Variants in ADAM15 observed in about 807,000 individuals in gnomAD.
ADAM15 encodes the protein ADAM metallopeptidase domain 15.
Under a neutral mutation model 113.8 loss-of-function variants are expected in ADAM15, and 77 were observed. The observed-to-expected ratio is 0.68, with a 90% confidence interval of 0.56 to 0.82. The LOEUF (loss-of-function observed/expected upper bound fraction) is 0.82, where lower values mean the gene tolerates loss of function less well. Ranked by LOEUF, ADAM15 falls within the 40% of genes least tolerant of loss-of-function variation. The probability of loss-of-function intolerance (pLI) is 0.00; values close to 1 mark genes in which losing one functional copy is unlikely to be tolerated. For synonymous variants in ADAM15, 388 were observed against 454.1 expected (o/e 0.85, Z 1.85); for missense variants, 963 against 1,120.1 (o/e 0.86, Z 2.00).
chr1:155,057,822 C>G lies in ADAM15; in HGVS notation c.1417-29C>G. On this transcript the variant is annotated intron_variant, in intron 13 of 22. Coordinates refer to ENST00000356955, the MANE Select transcript of ADAM15 (RefSeq NM_207197.3). This position sits in a 1 kb window ranked among gnomAD's most constrained non-coding sequence, Gnocchi z 5.0. Reference sequence around the variant, plus strand: ...ACCCCCGGCTGGATTTGCTCAGTGCCCACACTGATGCTCATCCACCCTCCA... The same window carrying G: ...ACCCCCGGCTGGATTTGCTCAGTGCGCACACTGATGCTCATCCACCCTCCA... 6.2e-7 allele frequency: 1 copy of G among 1,612,958 alleles called. No homozygotes were observed. The highest frequency in any genetic ancestry group is 8.5e-7 in the Non-Finnish European group (1 of 1,179,152).
Position 155,058,660 on chromosome 1 carries a change from C to A in ADAM15, c.1918-50C>A. ...CTCAACCTTATTGGCCTCCCAGTCC[C>A]ATTAAAGCTTTGTGGGAATCTGATC... On this transcript the variant is annotated intron_variant, in intron 15 of 22. Coordinates refer to ENST00000356955, the MANE Select transcript of ADAM15 (RefSeq NM_207197.3). The surrounding 1 kb of genome is among the most constrained non-coding windows in gnomAD (Gnocchi z 4.3). 6.3e-7 allele frequency: 1 copy of A among 1,589,694 alleles called. No individual in the cohort carries two copies. Among genetic ancestry groups the A allele is most frequent in the East Asian group, 2.3e-5 (1 of 43,290 alleles).
At position 155,057,616 on chromosome 1, in the gene ADAM15, C is replaced by T; in HGVS notation, c.1324-21C>T. 6.2e-7 allele frequency: 1 copy of T among 1,612,866 alleles called. No homozygotes were observed. The highest frequency in any genetic ancestry group is 1.3e-5 in the African/African-American group (1 of 75,008). ...AGGCCCCACCTGCTCTGATGCCCGGCCCCCGTGCTCCTGCCCACAGGACTG... is the reference window on the plus strand; with the variant it reads ...AGGCCCCACCTGCTCTGATGCCCGGTCCCCGTGCTCCTGCCCACAGGACTG... On this transcript the variant is annotated intron_variant, in intron 12 of 22. Transcript: ENST00000356955. The surrounding 1 kb of genome is among the most constrained non-coding windows in gnomAD (Gnocchi z 5.0).
intron 19 of ADAM15, 94 bp downstream of exon 19, chr1:155,060,926 G>C (rs1662489705): frequency 8.0e-7 from 1 of 1,248,952 alleles, no homozygotes; most frequent in Non-Finnish European, 1.1e-6. Flanking sequence ...CAGACTCAGA[G>C]AAAGGCTAGC....
Position 155,058,610 on chromosome 1 carries a change from C to A in ADAM15, c.1918-100C>A. ...TATCAACTCACTATGCCTTGGTTTC[C>A]CCATCTGTAAACGCAGGGTATGGCC... On this transcript the variant is annotated intron_variant, in intron 15 of 22. Transcript: ENST00000356955. The surrounding 1 kb of genome is among the most constrained non-coding windows in gnomAD (Gnocchi z 4.3). 1 of 1,556,672 alleles carries A rather than the reference C, an allele frequency of 6.4e-7. No homozygotes were observed. The highest frequency in any genetic ancestry group is 8.7e-7 in the Non-Finnish European group (1 of 1,150,952).
Position 155,058,851 on chromosome 1 carries a change from G to A in ADAM15, c.1995+64G>A. 6.6e-7 allele frequency: 1 copy of A among 1,519,602 alleles called. No individual in the cohort carries two copies. The highest frequency in any genetic ancestry group is 8.8e-7 in the Non-Finnish European group (1 of 1,133,354). 94.1% of individuals were successfully genotyped at this position (1,519,602 alleles called of 1,614,324 possible). A position where few individuals can be genotyped will look rare whatever the true frequency, so the allele number is the denominator to read the frequency against. Reference sequence around the variant, plus strand: ...CCTCTAGAGAGGAAAAGGATACTGGGCTTTGGAAATAGACATATCTGGGTT... The same window carrying A: ...CCTCTAGAGAGGAAAAGGATACTGGACTTTGGAAATAGACATATCTGGGTT... On this transcript the variant is annotated intron_variant, in intron 16 of 22. Transcript: ENST00000356955. This position sits in a 1 kb window ranked among gnomAD's most constrained non-coding sequence, Gnocchi z 4.3.
intron 20 of ADAM15, 168 bp downstream of exon 20, chr1:155,061,657 T>C: frequency 1.2e-6 from 1 of 849,902 alleles, no homozygotes. Flanking sequence ...GTGAGCCTCC[T>C]GCCTTGGTTT....
Position 155,057,136 on chromosome 1 carries a change from C to T in ADAM15, c.1148+35C>T. 6.3e-7 allele frequency: 1 copy of T among 1,582,204 alleles called. No individual in the cohort carries two copies. Among genetic ancestry groups the T allele is most frequent in the Non-Finnish European group, 8.6e-7 (1 of 1,161,800 alleles). On this transcript the variant is annotated intron_variant, in intron 11 of 22. Coordinates refer to ENST00000356955, the MANE Select transcript of ADAM15 (RefSeq NM_207197.3). This position sits in a 1 kb window ranked among gnomAD's most constrained non-coding sequence, Gnocchi z 5.0. ...TGCAGGATGGAGAGAGGGTGTGGGGCAGGGGGCAGGGAGAGGCCCCCAGCC... is the reference window on the plus strand; with the variant it reads ...TGCAGGATGGAGAGAGGGTGTGGGGTAGGGGGCAGGGAGAGGCCCCCAGCC...
chr1:155,058,422 C>T lies in ADAM15; in HGVS notation c.1898C>T (p.Thr633Ile). The change falls in exon 15 of 23, where the codon ACA (threonine) becomes ATA (isoleucine). Residue 633 changes from threonine to isoleucine, a missense_variant. Thr to Ile is a moderately conservative substitution (Grantham distance 89). Transcript: ENST00000356955. The surrounding 1 kb of genome is among the most constrained non-coding windows in gnomAD (Gnocchi z 4.3). ...CAGCCCCTCCTGACTCTGCCTGGCA[C>T]AGCCTGTGGCCCTGGCCTGGTGAGC... is the stretch of plus-strand genomic sequence containing the variant. ...VAQPLLTLPG[T>I]ACGPGLVCID... is the part of the protein sequence containing the mutation. 6.2e-7 allele frequency: 1 copy of T among 1,612,472 alleles called. No homozygotes were observed. The highest frequency in any genetic ancestry group is 8.5e-7 in the Non-Finnish European group (1 of 1,180,020).
At position 155,056,838 on chromosome 1, in the gene ADAM15, C is replaced by A; in HGVS notation, c.1000-115C>A. The A allele has an allele frequency of 7.1e-7, 1 of 1,411,246 alleles. No homozygotes were observed. The highest frequency in any genetic ancestry group is 9.6e-7 in the Non-Finnish European group (1 of 1,044,982). 87.4% of individuals were successfully genotyped at this position (1,411,246 alleles called of 1,614,324 possible). On this transcript the variant is annotated intron_variant, in intron 10 of 22. Coordinates refer to ENST00000356955, the MANE Select transcript of ADAM15 (RefSeq NM_207197.3). This position sits in a 1 kb window ranked among gnomAD's most constrained non-coding sequence, Gnocchi z 4.0. ...GAAGCAATTCAGGAGGGAAGCAGTG[C>A]CTGCTGAGTGCCCACGAGGTCAGAC... is the stretch of plus-strand genomic sequence containing the variant.
At position 155,062,246 on chromosome 1, in the gene ADAM15, C is replaced by G; in HGVS notation, c.2426C>G (p.Ser809Cys). ...PADPVVRSPK[S>C]QGPAKPPPPR... ...GGCCTCCTGCCTTCTCTCCCTCAGT[C>G]TCAGGGGCCAGCCAAGCCCCCACCC... The change falls in exon 22 of 23, where the codon TCT becomes TGT. Residue 809 changes from serine to cysteine, a missense_variant and splice_region_variant. Transcript: ENST00000356955. This position sits in a 1 kb window ranked among gnomAD's most constrained non-coding sequence, Gnocchi z 7.0. 2 of 1,453,716 alleles carry G rather than the reference C, an allele frequency of 1.4e-6. No homozygotes were observed. Among genetic ancestry groups the G allele is most frequent in the Non-Finnish European group, 1.8e-6 (2 of 1,100,888 alleles). The allele number at this position is 1,453,716 out of a possible 1,614,324, so 90.1% of individuals were successfully genotyped here. A position where few individuals can be genotyped will look rare whatever the true frequency, so the allele number is the denominator to read the frequency against.
chr1:155,051,352 C>G lies in ADAM15; in HGVS notation c.-35C>G. On this transcript the variant is annotated 5_prime_UTR_variant, in exon 1 of 23. Transcript: ENST00000356955. ...CCGCTCCTCCGCGCGCTGTTCCGCA[C>G]TTGCTGCCCTCGCCCGGCCCGGAGC... 1 of 1,473,286 alleles carries G rather than the reference C, an allele frequency of 6.8e-7. No individual in the cohort carries two copies. Among genetic ancestry groups the G allele is most frequent in the Non-Finnish European group, 9.0e-7 (1 of 1,113,894 alleles). The allele number at this position is 1,473,286 out of a possible 1,614,324, so 91.3% of individuals were successfully genotyped here.
rs773931424 is a variant in ADAM15, at chr1:155,056,024, C to G, written c.744+24C>G. Reference sequence around the variant, plus strand: ...CAGTGAGTGCTGGACAGGGCAACCCCCACCCCAGGCCCCTGACCATGGCAA... The same window carrying G: ...CAGTGAGTGCTGGACAGGGCAACCCGCACCCCAGGCCCCTGACCATGGCAA... On this transcript the variant is annotated intron_variant, in intron 8 of 22. Transcript: ENST00000356955. The surrounding 1 kb of genome is among the most constrained non-coding windows in gnomAD (Gnocchi z 4.0). 13 of 1,613,016 alleles carry G rather than the reference C, an allele frequency of 8.1e-6. No individual in the cohort carries two copies. The highest frequency in any genetic ancestry group is 1.7e-5 in the Admixed American group (1 of 60,018).
chr1:155,062,626 C>A lies in ADAM15; in HGVS notation c.*124C>A. 1 of 1,325,996 alleles carries A rather than the reference C, an allele frequency of 7.5e-7. No homozygotes were observed. The highest frequency in any genetic ancestry group is 1.0e-6 in the Non-Finnish European group (1 of 963,902). 82.1% of individuals were successfully genotyped at this position (1,325,996 alleles called of 1,614,324 possible). ...TGGCGGTGTCTTAAGACTCCGGGCA[C>A]CGCCACGCGCTGTCAAGCAACACTC... is the stretch of plus-strand genomic sequence containing the variant. On this transcript the variant is annotated 3_prime_UTR_variant, in exon 23 of 23. Coordinates refer to ENST00000356955, the MANE Select transcript of ADAM15 (RefSeq NM_207197.3). The surrounding 1 kb of genome is among the most constrained non-coding windows in gnomAD (Gnocchi z 7.0).
chr1:155,057,666 G>T lies in ADAM15; in HGVS notation c.1353G>T (p.Leu451Phe). The T allele has an allele frequency of 1.2e-6, 2 of 1,614,154 alleles. No individual in the cohort carries two copies. The highest frequency in any genetic ancestry group is 1.7e-6 in the Non-Finnish European group (2 of 1,180,024). The change falls in exon 13 of 23, where the codon TTG becomes TTT. Residue 451 changes from leucine (L) to phenylalanine (F), a missense_variant. Transcript: ENST00000356955. This position sits in a 1 kb window ranked among gnomAD's most constrained non-coding sequence, Gnocchi z 5.0. ...GCGTCGATCCCTGCTGTGATTCTTT[G>T]ACCTGCCAGCTGAGGCCAGGTGCAC... ...DDCVDPCCDS[L>F]TCQLRPGAQC...
Position 155,058,239 on chromosome 1 carries a change from C to T in ADAM15, c.1722-7C>T. ...CTAACTCTGTGTGCCCTTCCCCCTC[C>T]CCACAGAGATGCCATTTGTGGGCAG... On this transcript the variant is annotated splice_region_variant and splice_polypyrimidine_tract_variant and intron_variant, in intron 14 of 22. Transcript: ENST00000356955. This position sits in a 1 kb window ranked among gnomAD's most constrained non-coding sequence, Gnocchi z 4.3. 6.2e-7 allele frequency: 1 copy of T among 1,614,054 alleles called. No homozygotes were observed. The highest frequency in any genetic ancestry group is 8.5e-7 in the Non-Finnish European group (1 of 1,180,024).
At chr1:155,060,170 C>A (rs1417709752) in intron 17 of ADAM15, 35 bp from the exon 18 acceptor site, 1 of 1,610,630 alleles carries the variant, frequency 6.2e-7, no homozygotes, top group Non-Finnish European at 8.5e-7. Flanking sequence ...GAGTTCTTAG[C>A]CCCGTCCTCC....
At chr1:155,053,394 G>T in intron 2 of ADAM15, 23 bp from the exon 3 acceptor site, 1 of 1,612,970 alleles carries the variant, frequency 6.2e-7, no homozygotes, top group South Asian at 1.1e-5. Context: ...CTAGGGAGGT[G>T]ACCTGCCCTC....
In ADAM15 at chr1:155,057,773, G is replaced by A. The variant is rs776430364; in HGVS notation, c.1416+44G>A. 3 of 1,613,974 alleles carry A rather than the reference G, an allele frequency of 1.9e-6. No homozygotes were observed. The highest frequency in any genetic ancestry group is 1.7e-4 in the Middle Eastern group (1 of 6,060). ...GGCCACCCGGAGCTCACCTGCCGGG[G>A]CCAAGGTGGAAAGGGTCATTCTGAC... On this transcript the variant is annotated intron_variant, in intron 13 of 22. Coordinates refer to ENST00000356955, the MANE Select transcript of ADAM15 (RefSeq NM_207197.3). This position sits in a 1 kb window ranked among gnomAD's most constrained non-coding sequence, Gnocchi z 5.0.
In ADAM15 at chr1:155,061,662, T is replaced by G. The variant is rs1662631741; in HGVS notation, c.2352+173T>G. The G allele has an allele frequency of 4.8e-6, 4 of 830,868 alleles. No individual in the cohort carries two copies. The South Asian group carries it at 7.2e-5, about 15-fold the overall frequency. The allele number at this position is 830,868 out of a possible 1,614,324, so 51.5% of individuals were successfully genotyped here. A position where few individuals can be genotyped will look rare whatever the true frequency, so the allele number is the denominator to read the frequency against. On this transcript the variant is annotated intron_variant, in intron 20 of 22. Coordinates refer to ENST00000356955, the MANE Select transcript of ADAM15 (RefSeq NM_207197.3). ...GCAGCAAAGGGTGAGCCTCCTGCCT[T>G]GGTTTCTACCACCATCTGGTGGTCA...
Sources: allele counts gnomAD v4.1 joint callset, GRCh38; gene constraint gnomAD v4.1.1; non-coding constraint Gnocchi (gnomAD v3.1); transcripts MANE v1.5; gene names NCBI Gene and HGNC (gene_info 2026-07-23, HGNC 2026-07-21).